The following PKD1L1 variants were observed in gnomAD, a reference collection of about 807,000 sequenced individuals.
PKD1L1 encodes polycystin 1 like 1, transient receptor potential channel interacting, also known as polycystin-1-like protein 1.
A neutral mutation model predicts 323.4 loss-of-function variants in PKD1L1; 236 were observed. The observed-to-expected ratio is 0.73, with a 90% CI of 0.66 to 0.81. The LOEUF (loss-of-function observed/expected upper bound fraction) is 0.81. PKD1L1 is among the 40% of genes least tolerant of loss of function. The probability of loss-of-function intolerance (pLI) is 0.00; values close to 1 mark genes in which losing one functional copy is unlikely to be tolerated. For synonymous variants in PKD1L1, 1,344 were observed against 1,335.0 expected (o/e 1.01, Z -0.15); for missense variants, 3,320 against 3,508.0 (o/e 0.95, Z 1.35).
chr7:47,885,585 T>C, intron 18 of PKD1L1, 101 bp downstream of exon 18: 1 of 1,443,252 alleles, frequency 6.9e-7, no homozygotes, highest in Non-Finnish European at 9.3e-7. Context: ...TAAAGGCCCA[T>C]GTTGATGTGA....
chr7:47,905,329 T>C lies in PKD1L1; in HGVS notation c.1523-4A>G, dbSNP rs142390559. The C allele has an allele frequency of 2.0e-4, 318 of 1,613,080 alleles. 3 individuals are homozygous for C. In the African/African-American group the frequency reaches 3.6e-3, roughly 18 times the overall value. Reference sequence around the variant, plus strand: ...CCATTTGTGTAGACAGAGACGGCTGTGGCAAAAGAAAGGAAGGTATGTCTA... The same window carrying C: ...CCATTTGTGTAGACAGAGACGGCTGCGGCAAAAGAAAGGAAGGTATGTCTA... On this transcript the variant is annotated splice_region_variant and splice_polypyrimidine_tract_variant and intron_variant, in intron 10 of 56. Coordinates refer to ENST00000289672, the MANE Select transcript of PKD1L1 (RefSeq NM_138295.5).
intron 50 of PKD1L1, among the ~76,000 whole-genome samples, chr7:47,810,892 A>G (rs932074330): frequency 6.6e-6 from 1 of 152,108 alleles, no homozygotes; most frequent in Non-Finnish European, 1.5e-5. Flanking sequence ...GTGTGGATAT[A>G]TGTGGGGATG....
At chr7:47,856,740 T>C (rs1785912885) in intron 28 of PKD1L1, among the ~76,000 whole-genome samples, 1 of 152,210 alleles carries the variant, frequency 6.6e-6, no homozygotes, top group Non-Finnish European at 1.5e-5. Context: ...TAGTTTGAAT[T>C]ATTTTCCTAT....
intron 24 of PKD1L1, among the ~76,000 whole-genome samples, chr7:47,871,179 A>C (rs1279540756): frequency 6.6e-6 from 1 of 152,196 alleles, no homozygotes; most frequent in Non-Finnish European, 1.5e-5. Context: ...CATCATGACC[A>C]AATGGAATTT....
intron 56 of PKD1L1, among the ~76,000 whole-genome samples, 166 bp downstream of exon 56, chr7:47,792,461 A>G (rs912631818): frequency 2.0e-5 from 3 of 152,190 alleles, no homozygotes; most frequent in African/African-American, 4.8e-5. Context: ...TAAATTTTTA[A>G]GTGGTTCTTT....
intron 14 of PKD1L1, among the ~76,000 whole-genome samples, chr7:47,894,578 C>T (rs755579056): frequency 2.0e-5 from 3 of 152,156 alleles, no homozygotes; most frequent in Admixed American, 6.5e-5. Context: ...CGGCCAGGCG[C>T]GGTGGTTCAT....
chr7:47,828,648 T>G (rs530203455), intron 44 of PKD1L1, among the ~76,000 whole-genome samples: 158 of 152,248 alleles, frequency 1.0e-3, no homozygotes, highest in African/African-American at 3.7e-3. Flanking sequence ...ACAGTGTAGA[T>G]GTAAAACAGC....
At chr7:47,859,515 G>A (rs889026758) in intron 26 of PKD1L1, among the ~76,000 whole-genome samples, 3 of 151,042 alleles carry the variant, frequency 2.0e-5, no homozygotes, top group African/African-American at 7.3e-5. Flanking sequence ...GTCTCACTCT[G>A]TCACCCAGGC....
chr7:47,821,060 T>A lies in PKD1L1; in HGVS notation c.6965+16A>T, dbSNP rs760884070. Reference sequence around the variant, plus strand: ...GCAATGGCCCCAGATCTGGAAGAGTTACCCAAACCTCCTACCTTGTAAATT... The same window carrying A: ...GCAATGGCCCCAGATCTGGAAGAGTAACCCAAACCTCCTACCTTGTAAATT... On this transcript the variant is annotated intron_variant, in intron 46 of 56. Coordinates refer to ENST00000289672, the MANE Select transcript of PKD1L1 (RefSeq NM_138295.5). 3.3e-6 allele frequency: 5 copies of A among 1,512,120 alleles called. No homozygotes were observed. The Admixed American group carries it at 8.4e-5, about 25-fold the overall frequency. 93.7% of individuals were successfully genotyped at this position (1,512,120 alleles called of 1,614,324 possible).
At chr7:47,934,280 C>A (rs1218681819) in intron 4 of PKD1L1, among the ~76,000 whole-genome samples, 1 of 151,970 alleles carries the variant, frequency 6.6e-6, no homozygotes, top group Non-Finnish European at 1.5e-5. Context: ...AAGCCTGACA[C>A]TGTGGAAAAA....
chr7:47,914,251 T>TA (rs1787382277), intron 8 of PKD1L1, among the ~76,000 whole-genome samples: 1 of 152,230 alleles, frequency 6.6e-6, no homozygotes, highest in African/African-American at 2.4e-5. Context: ...AAATGTATTT[T>TA]AAAATGCACA....
chr7:47,848,507 C>G (rs1006706286), intron 31 of PKD1L1, among the ~76,000 whole-genome samples: 1 of 152,148 alleles, frequency 6.6e-6, no homozygotes, highest in Non-Finnish European at 1.5e-5. Flanking sequence ...AAAACAATTC[C>G]CATAAAATTA....
At chr7:47,954,750 C>A in the PKD1L1 span, among the ~76,000 whole-genome samples, 1 of 152,206 alleles carries the variant, frequency 6.6e-6, no homozygotes, top group Non-Finnish European at 1.5e-5. Context: ...CTTATTCCAA[C>A]CACCACAGGT....
intron 52 of PKD1L1, among the ~76,000 whole-genome samples, chr7:47,807,138 G>C (rs1228233489): frequency 6.6e-6 from 1 of 152,086 alleles, no homozygotes; most frequent in Non-Finnish European, 1.5e-5. Context: ...TTGCTTGTGC[G>C]AGTGTTCTGT....
chr7:47,908,364 G>T, intron 8 of PKD1L1, 114 bp from the exon 9 acceptor site: 1 of 1,003,604 alleles, frequency 1.0e-6, no homozygotes, highest in Non-Finnish European at 1.5e-6. Context: ...ATACAGGAGA[G>T]GTGATCTTTC....
At chr7:47,837,127 C>T (rs1454703603) in intron 36 of PKD1L1, 33 bp from the exon 37 acceptor site, 2 of 1,608,986 alleles carry the variant, frequency 1.2e-6, no homozygotes, top group South Asian at 1.1e-5. Context: ...TGTTCCCTGA[C>T]ATGGAGCATT....
intron 10 of PKD1L1, 44 bp downstream of exon 10, chr7:47,905,799 C>A (rs374236353): frequency 9.3e-6 from 15 of 1,607,488 alleles, no homozygotes; most frequent in Non-Finnish European, 1.3e-5. Flanking sequence ...GCTGACTGCG[C>A]GAGGGAGGTT....
intron 45 of PKD1L1, among the ~76,000 whole-genome samples, 167 bp downstream of exon 45, chr7:47,827,183 G>A (rs1785253080): frequency 6.6e-6 from 1 of 152,230 alleles, no homozygotes; most frequent in Admixed American, 6.5e-5. Flanking sequence ...GGCAGCACAG[G>A]TTGTTATATA....
At chr7:47,957,546 T>C in the PKD1L1 span, among the ~76,000 whole-genome samples, 1 of 152,140 alleles carries the variant, frequency 6.6e-6, no homozygotes, top group Non-Finnish European at 1.5e-5. Flanking sequence ...TCTCACTCTG[T>C]TGCCCACGCT....
Sources: allele counts gnomAD v4.1 joint callset (sites outside exome capture counted in the v4.1 genomes callset), GRCh38; gene constraint gnomAD v4.1.1; transcripts MANE v1.5; gene names NCBI Gene and HGNC (gene_info 2026-07-23, HGNC 2026-07-21).